The following BAZ1A variants were observed in gnomAD, a reference collection of about 807,000 sequenced individuals.
BAZ1A encodes the protein bromodomain adjacent to zinc finger domain 1A.
In BAZ1A, 50 loss-of-function variants were observed where a neutral mutation model predicts 185.2. The ratio of observed to expected loss-of-function variants is 0.27; its 90% CI spans 0.22 to 0.34. The LOEUF (loss-of-function observed/expected upper bound fraction) is 0.34, where lower values mean the gene tolerates loss of function less well. Among genes scored for constraint, BAZ1A ranks in the 10% least tolerant of loss-of-function variants. BAZ1A has a pLI of 1.00. For missense variants in BAZ1A, 1,356 were observed against 1,839.9 expected, an observed-to-expected ratio of 0.74 and a Z score of 4.81; for synonymous variants, 571 against 615.6, an observed-to-expected ratio of 0.93 and a Z score of 1.07.
intron 2 of BAZ1A, among the ~76,000 whole-genome samples, chr14:34,864,776 A>AT (rs35276443): frequency 0.53 from 74,535 of 140,424 alleles, 20,516 homozygotes; most frequent in Non-Finnish European, 0.64. Flanking sequence ...AGCGCAATAA[A>AT]TTTTTTTTTT....
In BAZ1A at chr14:34,761,611, C is replaced by G. The variant is rs1046525813; in HGVS notation, c.4243+146G>C. On this transcript the variant is annotated intron_variant, in intron 24 of 26. Transcript: ENST00000360310. ...CATTAAATAGTTGCCCCTTCAATGA[C>G]TATTATGCTTCAGGTCAGATTGTTC... is the stretch of plus-strand genomic sequence containing the variant. 4.5e-6 allele frequency: 3 copies of G among 666,290 alleles called. No individual in the cohort carries two copies. The East Asian group carries it at 8.2e-5, about 18-fold the overall frequency. 41.3% of individuals were successfully genotyped at this position (666,290 alleles called of 1,614,324 possible).
Position 34,794,755 on chromosome 14 carries a change from T to C in BAZ1A, c.1357A>G (p.Thr453Ala). 4 of 1,613,358 alleles carry C rather than the reference T, an allele frequency of 2.5e-6. No individual in the cohort carries two copies. The highest frequency in any genetic ancestry group is 3.4e-6 in the Non-Finnish European group (4 of 1,179,672). ...DLQDEFPDGV[T>A]LEVLEEALVG... ...AGATAACTAAAGCACTTGCCTAGGG[T>C]TACTCCATCAGGAAACTCATCTTGA... is the stretch of plus-strand genomic sequence containing the variant. The change falls in exon 11 of 27, where the codon ACC becomes GCC. Residue 453 changes from threonine (T) to alanine (A), a missense_variant. Around this residue, in one of 7 missense-constraint regions of BAZ1A, gnomAD observed 184 missense variants for 355.1 expected, o/e 0.52. Coordinates refer to ENST00000360310, the MANE Select transcript of BAZ1A (RefSeq NM_013448.3).
rs143518383 is a variant in BAZ1A, at chr14:34,776,595, AGTTATTAGGT to A, written c.2237-90_2237-81del. ...AAATATGAGATACAAAGTTACCCCA[AGTTATTAGGT>A]GTTATGAACTAAACTGTATCCCCTC... On this transcript the variant is annotated intron_variant, in intron 17 of 26. Coordinates refer to ENST00000360310, the MANE Select transcript of BAZ1A (RefSeq NM_013448.3). The A allele has an allele frequency of 4.4e-3, 5,337 of 1,217,932 alleles. 199 individuals carry two copies. The African/African-American group carries it at 0.075, about 17-fold the overall frequency. The allele number at this position is 1,217,932 out of a possible 1,614,324, so 75.4% of individuals were successfully genotyped here.
intron 9 of BAZ1A, among the ~76,000 whole-genome samples, chr14:34,799,535 G>T (rs546085221): frequency 6.6e-6 from 1 of 152,102 alleles, no homozygotes; most frequent in Non-Finnish European, 1.5e-5. Flanking sequence ...TAAGGAATAT[G>T]TATCACTGGA....
At chr14:34,824,198 T>TAAA (rs11453821) in intron 4 of BAZ1A, among the ~76,000 whole-genome samples, 264 of 126,548 alleles carry the variant, frequency 2.1e-3, no homozygotes, top group Middle Eastern at 3.8e-3. Flanking sequence ...TGTCTCTACT[T>TAAA]AAAAAAAAAA....
At chr14:34,770,798 G>C (rs964020258) in intron 21 of BAZ1A, among the ~76,000 whole-genome samples, 12 of 152,022 alleles carry the variant, frequency 7.9e-5, no homozygotes, top group Admixed American at 2.6e-4. Context: ...TTCCTCACCC[G>C]TGTTCCTTTA....
Position 34,807,545 on chromosome 14 carries a change from G to C in BAZ1A, c.639-7C>G. 1 of 1,608,212 alleles carries C rather than the reference G, an allele frequency of 6.2e-7. No individual in the cohort carries two copies. On this transcript the variant is annotated splice_polypyrimidine_tract_variant and splice_region_variant and intron_variant, in intron 5 of 26. Transcript: ENST00000360310. The stretch of plus-strand genomic sequence containing the variant: ...AAATAGGTGTTTTCTCCGGCTACAG[G>C]AGGCAAGGAAGTCAAAGAGGGGTAG...
At chr14:34,829,528 G>T (rs1242102880) in intron 3 of BAZ1A, among the ~76,000 whole-genome samples, 1 of 152,006 alleles carries the variant, frequency 6.6e-6, no homozygotes, top group African/African-American at 2.4e-5. Flanking sequence ...ATCCATCAGT[G>T]AAGTCTCCTC....
chr14:34,793,993 A>G (rs1266625249), intron 11 of BAZ1A, among the ~76,000 whole-genome samples: 2 of 151,638 alleles, frequency 1.3e-5, no homozygotes, highest in Admixed American at 6.6e-5. Context: ...TTAGCTGGGC[A>G]TGGTGGCGGG....
At chr14:34,798,026 G>A (rs893613151) in intron 9 of BAZ1A, among the ~76,000 whole-genome samples, 5 of 152,248 alleles carry the variant, frequency 3.3e-5, no homozygotes, top group Non-Finnish European at 5.9e-5. Context: ...TATATCCCGT[G>A]CCTGGCTCAG....
At chr14:34,824,747 C>G (rs1330723336) in intron 4 of BAZ1A, among the ~76,000 whole-genome samples, 1 of 152,130 alleles carries the variant, frequency 6.6e-6, no homozygotes, top group Non-Finnish European at 1.5e-5. Context: ...ACTGGTATTT[C>G]AGGAGCAAAG....
rs548364033 is a variant in BAZ1A at position 34,756,115 on chromosome 14, C to CTT, written c.4387-1203_4387-1202dup. ...CTCAGCCTCCCAAACTGGTTTTTTT[C>CTT]TTTTTTTTTTTTTTTTGAGACAGAG... On this transcript the variant is annotated intron_variant, in intron 25 of 26. Coordinates refer to ENST00000360310, the MANE Select transcript of BAZ1A (RefSeq NM_013448.3). Among the ~76,000 whole-genome samples, 571 of 127,392 alleles carry CTT rather than the reference C, an allele frequency of 4.5e-3. 10 individuals are homozygous for CTT. The highest frequency in any genetic ancestry group is 0.012 in the African/African-American group (387 of 33,092). The allele number at this position is 127,392 out of a possible 152,430, so 83.6% of individuals were successfully genotyped here.
Position 34,795,676 on chromosome 14 carries a change from G to A in BAZ1A, c.1218C>T (p.Asp406=), listed in dbSNP as rs773583594. The A allele has an allele frequency of 6.2e-7, 1 of 1,608,390 alleles. No homozygotes were observed. Among genetic ancestry groups the A allele is most frequent in the Non-Finnish European group, 8.5e-7 (1 of 1,177,032 alleles). Residue 406 remains aspartate (D), a synonymous_variant, in exon 10 of 27, where the codon GAC becomes GAT. Coordinates refer to ENST00000360310, the MANE Select transcript of BAZ1A (RefSeq NM_013448.3). ...SKPREDMECD[D]LKELPEPTPV... ...TCACATAACATGTTTATACCTTAAG[G>A]TCATCACATTCCATATCTTCTCTAG...
chr14:34,756,466 ATTTTTTT>A (rs1158606061), intron 25 of BAZ1A, among the ~76,000 whole-genome samples: 33 of 79,022 alleles, frequency 4.2e-4, no homozygotes, highest in South Asian at 2.2e-3. Context: ...CAGAATACCT[ATTTTTTT>A]TTTTTTTTTT....
At chr14:34,847,093 A>G (rs2042525495) in intron 3 of BAZ1A, among the ~76,000 whole-genome samples, 1 of 152,138 alleles carries the variant, frequency 6.6e-6, no homozygotes, top group South Asian at 2.1e-4. Flanking sequence ...TCTACTAAAA[A>G]TACGAAAATT....
chr14:34,817,345 T>A (rs1052819877), intron 4 of BAZ1A, among the ~76,000 whole-genome samples: 10 of 152,224 alleles, frequency 6.6e-5, no homozygotes, highest in African/African-American at 2.4e-4. Context: ...CTCGGCACTT[T>A]GAGAGGCTGA....
intron 16 of BAZ1A, among the ~76,000 whole-genome samples, chr14:34,781,658 G>T (rs139583195): frequency 6.6e-6 from 1 of 152,100 alleles, no homozygotes; most frequent in Non-Finnish European, 1.5e-5. Context: ...ACCATGCCTG[G>T]CTAATTTTTT....
intron 25 of BAZ1A, 107 bp downstream of exon 25, chr14:34,758,597 A>T (rs1200903409): frequency 1.7e-6 from 2 of 1,152,902 alleles, no homozygotes; most frequent in African/African-American, 3.2e-5. Flanking sequence ...CAACAACAAC[A>T]AAAAAAACTA....
chr14:34,806,357 G>A (rs1360774246), intron 6 of BAZ1A, among the ~76,000 whole-genome samples: 15 of 151,976 alleles, frequency 9.9e-5, no homozygotes, highest in Admixed American at 8.5e-4. Context: ...CATAGTTAAC[G>A]TGTCATGGGG....
Sources: allele counts gnomAD v4.1 joint callset (sites outside exome capture counted in the v4.1 genomes callset), GRCh38; gene constraint gnomAD v4.1.1; regional missense constraint gnomAD v4.1.1; transcripts MANE v1.5; gene names NCBI Gene and HGNC (gene_info 2026-07-23, HGNC 2026-07-21).